DNAJC1: variants seen among roughly 807,000 people sequenced by gnomAD.
The protein encoded by DNAJC1 is DnaJ heat shock protein family (Hsp40) member C1.
Under a neutral mutation model 76.6 loss-of-function variants are expected in DNAJC1, and 58 were observed. The ratio of observed to expected loss-of-function variants is 0.76; its 90% CI spans 0.61 to 0.94. The LOEUF (loss-of-function observed/expected upper bound fraction) is 0.94, where lower values mean the gene tolerates loss of function less well. DNAJC1 is among the 40% of genes least tolerant of loss of function. The pLI is 0.00. For synonymous variants in DNAJC1, 258 were observed against 267.9 expected, an observed-to-expected ratio of 0.96 and a Z score of 0.36; for missense variants, 689 against 677.3, an observed-to-expected ratio of 1.02 and a Z score of -0.19.
intron 1 of DNAJC1, among the ~76,000 whole-genome samples, chr10:21,998,389 C>CAAAAAAA (rs60371730): frequency 8.4e-5 from 8 of 95,786 alleles, no homozygotes; most frequent in Admixed American, 1.3e-4. Flanking sequence ...GACTCCATCT[C>CAAAAAAA]AAAAAAAAAA....
intron 8 of DNAJC1, among the ~76,000 whole-genome samples, chr10:21,814,676 T>C (rs75958950): frequency 0.033 from 5,081 of 152,288 alleles, 142 homozygotes; most frequent in Middle Eastern, 0.065. Context: ...GGTGCTTTCA[T>C]CCTTTCAGGG....
In DNAJC1 at chr10:21,861,319, GA is replaced by G. The variant is rs541012161; in HGVS notation, c.978+20962del. Among the ~76,000 whole-genome samples, 503 of 152,140 alleles carry G rather than the reference GA, an allele frequency of 3.3e-3. 4 individuals carry two copies. The highest frequency in any genetic ancestry group is 5.9e-3 in the Non-Finnish European group (401 of 67,990). ...CAAAATATTAAATATTAATCCAAAA[GA>G]AAGCAAAAGAGGACACAGGAACAAA... On this transcript the variant is annotated intron_variant, in intron 8 of 11. Coordinates refer to ENST00000376980, the MANE Select transcript of DNAJC1 (RefSeq NM_022365.4).
chr10:21,983,214 T>A (rs968105799), intron 1 of DNAJC1, among the ~76,000 whole-genome samples: 1 of 151,962 alleles, frequency 6.6e-6, no homozygotes, highest in Admixed American at 6.6e-5. Flanking sequence ...AACCTAAATG[T>A]CCAAAAATAG....
chr10:21,838,796 C>T (rs1435760928), intron 8 of DNAJC1, among the ~76,000 whole-genome samples: 2 of 152,162 alleles, frequency 1.3e-5, no homozygotes, highest in African/African-American at 4.8e-5. Flanking sequence ...ACAGAATATA[C>T]ATTCTTTTCA....
chr10:21,865,314 ACAACT>A (rs1212837238), intron 8 of DNAJC1: 8 of 152,150 alleles, frequency 5.3e-5, no homozygotes, highest in Non-Finnish European at 1.5e-5. Flanking sequence ...AAAACTAGAA[ACAACT>A]CAAATGTCCA....
At chr10:21,899,891 G>GA (rs1329866239) in intron 7 of DNAJC1, among the ~76,000 whole-genome samples, 2 of 152,190 alleles carry the variant, frequency 1.3e-5, no homozygotes, top group African/African-American at 4.8e-5. Flanking sequence ...CTTTGTCTCA[G>GA]AAAGAGATCA....
intron 6 of DNAJC1, 132 bp from the exon 7 acceptor site, chr10:21,904,744 A>T (rs577612115): frequency 9.9e-5 from 49 of 495,602 alleles, no homozygotes; most frequent in African/African-American, 8.8e-4. Context: ...AAATTTTATG[A>T]TGAGCAGAAA....
At chr10:21,833,653 G>C (rs1022697850) in intron 8 of DNAJC1, among the ~76,000 whole-genome samples, 3 of 152,070 alleles carry the variant, frequency 2.0e-5, no homozygotes, top group Admixed American at 2.0e-4. Flanking sequence ...GTTGCTGTGA[G>C]AATCAAATAA....
At chr10:21,982,572 G>A (rs1838174330) in intron 1 of DNAJC1, among the ~76,000 whole-genome samples, 1 of 151,804 alleles carries the variant, frequency 6.6e-6, no homozygotes, top group Non-Finnish European at 1.5e-5. Flanking sequence ...ATTAAAAGTG[G>A]ACAAAGGACT....
chr10:21,765,720 C>A (rs1024806973), intron 10 of DNAJC1, among the ~76,000 whole-genome samples: 2 of 152,080 alleles, frequency 1.3e-5, no homozygotes, highest in African/African-American at 4.8e-5. Context: ...TGGCGGGCGC[C>A]CGTAATCCCA....
intron 8 of DNAJC1, among the ~76,000 whole-genome samples, chr10:21,835,833 A>G (rs1835443003): frequency 6.6e-6 from 1 of 152,210 alleles, no homozygotes; most frequent in South Asian, 2.1e-4. Context: ...ATGTGAAAAG[A>G]CCAAGTCTAC....
intron 7 of DNAJC1, among the ~76,000 whole-genome samples, chr10:21,885,138 T>C (rs914173011): frequency 1.5e-4 from 23 of 151,906 alleles, no homozygotes; most frequent in African/African-American, 5.6e-4. Flanking sequence ...CAAGTAACGA[T>C]GCCCTTAGCC....
chr10:21,897,768 A>C (rs980958526), intron 7 of DNAJC1, among the ~76,000 whole-genome samples: 1 of 152,238 alleles, frequency 6.6e-6, no homozygotes, highest in African/African-American at 2.4e-5. Context: ...CTTACATCAT[A>C]CTTAACGGTG....
chr10:21,851,037 A>G (rs1835743122), intron 8 of DNAJC1, among the ~76,000 whole-genome samples: 1 of 152,192 alleles, frequency 6.6e-6, no homozygotes, highest in South Asian at 2.1e-4. Flanking sequence ...CCTAAATATA[A>G]TAAGAAAAAC....
intron 8 of DNAJC1, among the ~76,000 whole-genome samples, chr10:21,822,017 T>G (rs1454756705): frequency 3.9e-5 from 6 of 152,212 alleles, no homozygotes; most frequent in Non-Finnish European, 8.8e-5. Flanking sequence ...AACAGAATGG[T>G]ACCTGACTCT....
chr10:21,876,186 C>T (rs1836185632), intron 8 of DNAJC1, among the ~76,000 whole-genome samples: 1 of 151,714 alleles, frequency 6.6e-6, no homozygotes, highest in Non-Finnish European at 1.5e-5. Flanking sequence ...TCTCTGCTCA[C>T]TGCAACCTCC....
intron 8 of DNAJC1, among the ~76,000 whole-genome samples, chr10:21,829,406 T>C (rs1016917560): frequency 1.3e-5 from 2 of 152,162 alleles, no homozygotes; most frequent in Non-Finnish European, 2.9e-5. Flanking sequence ...TTAGTAGAGA[T>C]GGGGTTTCAC....
At position 21,934,261 on chromosome 10, in the gene DNAJC1, A is replaced by G. The variant is rs188846822; in HGVS notation, c.223-5120T>C. On this transcript the variant is annotated intron_variant, in intron 1 of 11. Coordinates refer to ENST00000376980, the MANE Select transcript of DNAJC1 (RefSeq NM_022365.4). Reference sequence around the variant, plus strand: ...TAATTTTAAATATAGAAAAAAGCTTATAAGGATATAAAAATATTTTTATAC... The same window carrying G: ...TAATTTTAAATATAGAAAAAAGCTTGTAAGGATATAAAAATATTTTTATAC... Among the ~76,000 whole-genome samples, 32 of 152,078 alleles carry G rather than the reference A, an allele frequency of 2.1e-4. 1 individual carries two copies. The East Asian group carries it at 2.5e-3, about 12-fold the overall frequency.
At chr10:21,842,000 A>G (rs1173580990) in intron 8 of DNAJC1, among the ~76,000 whole-genome samples, 1 of 151,216 alleles carries the variant, frequency 6.6e-6, no homozygotes, top group African/African-American at 2.4e-5. Flanking sequence ...TGCAAGGACA[A>G]AAAACCAAAC....
Sources: allele counts gnomAD v4.1 joint callset (sites outside exome capture counted in the v4.1 genomes callset), GRCh38; gene constraint gnomAD v4.1.1; transcripts MANE v1.5; gene names NCBI Gene and HGNC (gene_info 2026-07-23, HGNC 2026-07-21).